The following KIF5C variants were observed in gnomAD, a reference collection of about 807,000 sequenced individuals.
KIF5C encodes kinesin family member 5C.
A neutral mutation model predicts 125.2 loss-of-function variants in KIF5C; 18 were observed. The ratio of observed to expected loss-of-function variants is 0.14; its 90% CI spans 0.10 to 0.21. The LOEUF is 0.21. KIF5C is among the 10% of genes least tolerant of loss of function. KIF5C has a pLI of 1.00. For synonymous variants in KIF5C, 405 were observed against 434.0 expected (o/e 0.93, Z 0.83); for missense variants, 780 against 1,183.8 (o/e 0.66, Z 5.01).
At chr2:148,939,021 G>C (rs1429435420) in intron 4 of KIF5C, among the ~76,000 whole-genome samples, 1 of 151,576 alleles carries the variant, frequency 6.6e-6, no homozygotes, top group Non-Finnish European at 1.5e-5. Context: ...CTTGAACCTG[G>C]GAGGCAGAGG....
intron 21 of KIF5C, among the ~76,000 whole-genome samples, chr2:149,001,060 A>G: frequency 6.6e-6 from 1 of 152,338 alleles, no homozygotes; most frequent in East Asian, 1.9e-4. Flanking sequence ...TTTGTGACAT[A>G]CTTCCACTCA....
intron 11 of KIF5C, among the ~76,000 whole-genome samples, chr2:148,964,337 A>G (rs1376183898): frequency 1.3e-5 from 2 of 152,146 alleles, no homozygotes; most frequent in Non-Finnish European, 2.9e-5. Context: ...GAGATCCTAC[A>G]TGAGCCTTTA....
chr2:148,968,405 T>C (rs1680805795), intron 11 of KIF5C, among the ~76,000 whole-genome samples: 1 of 152,190 alleles, frequency 6.6e-6, no homozygotes, highest in Non-Finnish European at 1.5e-5. Flanking sequence ...ACCACCACAA[T>C]TGGAACACAA....
chr2:148,883,122 CT>C (rs1212646506), intron 1 of KIF5C, among the ~76,000 whole-genome samples: 1 of 152,156 alleles, frequency 6.6e-6, no homozygotes, highest in Non-Finnish European at 1.5e-5. Flanking sequence ...AAATAAATAG[CT>C]TCTTTTTGTA....
rs775991688 is a variant in KIF5C, at chr2:148,983,646, G to T, written c.1596G>T (p.Glu532Asp). ...CTACATTGACAACCACACAGAGAGA[G>T]CTGAGCCAGCTACAAGAGCTTAGCA... ...KTTTLTTTQRELSQLQELSNH... is the reference protein window; with the variant it reads ...KTTTLTTTQRDLSQLQELSNH... Residue 532 changes from glutamate (E) to aspartate (D), a missense_variant, in exon 15 of 26, where the codon GAG becomes GAT. Around this residue, in one of 2 missense-constraint regions of KIF5C, gnomAD observed 573 missense variants for 742.6 expected, o/e 0.77. Coordinates refer to ENST00000435030, the MANE Select transcript of KIF5C (RefSeq NM_004522.3). 6.2e-7 allele frequency: 1 copy of T among 1,600,812 alleles called. No individual in the cohort carries two copies. The highest frequency in any genetic ancestry group is 8.5e-7 in the Non-Finnish European group (1 of 1,172,076).
rs117792815 is a variant in KIF5C at position 149,005,249 on chromosome 2, C to T, written c.2374-144C>T. On this transcript the variant is annotated intron_variant, in intron 21 of 25. Transcript: ENST00000435030. ...CACTAGGTCCAGGGGTGGGCATGGT[C>T]AGGGTGGGGGTGTCACAGGGAAGGG... 528 of 1,326,500 alleles carry T rather than the reference C, an allele frequency of 4.0e-4. 4 individuals carry two copies. The East Asian group carries it at 0.011, about 27-fold the overall frequency. The allele number at this position is 1,326,500 out of a possible 1,614,324, so 82.2% of individuals were successfully genotyped here. A position where few individuals can be genotyped will look rare whatever the true frequency, so the allele number is the denominator to read the frequency against.
At chr2:148,907,473 G>A (rs1369564485) in intron 1 of KIF5C, among the ~76,000 whole-genome samples, 1 of 152,272 alleles carries the variant, frequency 6.6e-6, no homozygotes, top group Admixed American at 6.5e-5. Context: ...CCAGGAGGCT[G>A]AAGTCTCTTC....
At position 148,997,281 on chromosome 2, in the gene KIF5C, A is replaced by G. The variant is rs1681702338; in HGVS notation, c.2041A>G (p.Ser681Gly). The change falls in exon 18 of 26, where the codon AGC (serine) becomes GGC (glycine). Residue 681 changes from serine (S) to glycine (G), a missense_variant. By Grantham distance (56) the Ser-to-Gly change is moderately conservative (BLOSUM62 0). Coordinates refer to ENST00000435030, the MANE Select transcript of KIF5C (RefSeq NM_004522.3). Reference sequence around the variant, plus strand: ...CAAAACAGAAAAAATGCACGAAGTCAGCTTCCAGGATAAGGAGAAGGAACA... The same window carrying G: ...CAAAACAGAAAAAATGCACGAAGTCGGCTTCCAGGATAAGGAGAAGGAACA... ...LRAQEKMHEV[S>G]FQDKEKEHLT... is the part of the protein sequence containing the mutation. The G allele has an allele frequency of 6.2e-7, 1 of 1,613,114 alleles. No homozygotes were observed. Among genetic ancestry groups the G allele is most frequent in the Non-Finnish European group, 8.5e-7 (1 of 1,179,112 alleles).
chr2:148,941,480 G>C (rs1682404602), intron 4 of KIF5C, 130 bp from the exon 5 acceptor site: 3 of 1,278,408 alleles, frequency 2.3e-6, no homozygotes, highest in Admixed American at 2.5e-5. Flanking sequence ...CAGATTTTAA[G>C]TCTTCACTTT....
chr2:148,924,647 A>G lies in KIF5C; in HGVS notation c.217+2420A>G, dbSNP rs1681922151. Among the ~76,000 whole-genome samples the G allele has an allele frequency of 6.6e-6, 1 of 152,222 alleles. No homozygotes were observed. Among genetic ancestry groups the G allele is most frequent in the African/African-American group, 2.4e-5 (1 of 41,462 alleles). ...TTGTAGGGTTTCTGACTACCAGCAC[A>G]GTAAATGGGAAGGCTCCTTTGGACG... On this transcript the variant is annotated intron_variant, in intron 2 of 25. Transcript: ENST00000435030. The surrounding 1 kb of genome is among the most constrained non-coding windows in gnomAD (Gnocchi z 4.0).
intron 8 of KIF5C, among the ~76,000 whole-genome samples, chr2:148,948,122 C>T (rs926325152): frequency 2.7e-4 from 40 of 150,548 alleles, no homozygotes; most frequent in Non-Finnish European, 4.4e-4. Flanking sequence ...CCGAGGTGGG[C>T]GGATCATGAG....
At chr2:148,986,050 G>C (rs1283865829) in intron 15 of KIF5C, among the ~76,000 whole-genome samples, 1 of 152,168 alleles carries the variant, frequency 6.6e-6, no homozygotes, top group Non-Finnish European at 1.5e-5. Flanking sequence ...GATGTGAGGT[G>C]ATTAAATGGC....
intron 11 of KIF5C, among the ~76,000 whole-genome samples, chr2:148,962,791 T>A (rs1682961889): frequency 6.6e-6 from 1 of 152,228 alleles, no homozygotes; most frequent in South Asian, 2.1e-4. Flanking sequence ...TGGCTCAGAC[T>A]GCTTTTGACT....
chr2:148,979,631 T>C (rs762362001), intron 13 of KIF5C, among the ~76,000 whole-genome samples: 1 of 152,144 alleles, frequency 6.6e-6, no homozygotes, highest in Non-Finnish European at 1.5e-5. Flanking sequence ...GTTGTTTGAG[T>C]CCTACTTCAG....
In KIF5C at chr2:149,023,076, A is replaced by T. The variant is rs1410356465; in HGVS notation, c.*8-2A>T. On this transcript the variant is annotated splice_acceptor_variant, in intron 25 of 25. Coordinates refer to ENST00000435030, the MANE Select transcript of KIF5C (RefSeq NM_004522.3). LOFTEE classifies it low-confidence loss of function (3UTR_SPLICE). ...GTTCTCTCTTTGGTTCTCTTTCAAC[A>T]GATATGACTCCACGTAGCATGTCAA... 6.6e-6 allele frequency: 1 copy of T among 152,172 alleles called. No homozygotes were observed. The highest frequency in any genetic ancestry group is 2.4e-5 in the African/African-American group (1 of 41,442). The allele number at this position is 152,172 out of a possible 1,614,324, so 9.4% of individuals were successfully genotyped here.
intron 2 of KIF5C, among the ~76,000 whole-genome samples, chr2:148,927,643 TA>T (rs1682054930): frequency 6.6e-6 from 1 of 152,220 alleles, no homozygotes; most frequent in Non-Finnish European, 1.5e-5. Context: ...AAGTTTGACC[TA>T]AGGGTGGGAC....
chr2:148,941,358 A>G (rs1682402588), intron 4 of KIF5C, among the ~76,000 whole-genome samples: 1 of 152,244 alleles, frequency 6.6e-6, no homozygotes, highest in East Asian at 1.9e-4. Flanking sequence ...CATGATGTTA[A>G]GAACACTTGA....
chr2:148,965,017 C>G (rs368460799), intron 11 of KIF5C, among the ~76,000 whole-genome samples: 1 of 151,776 alleles, frequency 6.6e-6, no homozygotes, highest in African/African-American at 2.4e-5. Flanking sequence ...AGAAATTAGC[C>G]GGGTGTGGTG....
intron 19 of KIF5C, among the ~76,000 whole-genome samples, chr2:148,999,332 C>T (rs183803083): frequency 6.8e-6 from 1 of 148,118 alleles, no homozygotes; most frequent in African/African-American, 2.5e-5. Flanking sequence ...GGAAGCAAGG[C>T]GAAATGATTT....
Sources: allele counts gnomAD v4.1 joint callset (sites outside exome capture counted in the v4.1 genomes callset), GRCh38; gene constraint gnomAD v4.1.1; regional missense constraint gnomAD v4.1.1; non-coding constraint Gnocchi (gnomAD v3.1); transcripts MANE v1.5; gene names NCBI Gene and HGNC (gene_info 2026-07-23, HGNC 2026-07-21).